CHD2: variants seen among roughly 807,000 people sequenced by gnomAD.
The protein encoded by CHD2 is chromodomain helicase DNA binding protein 2, also known as ATP-dependent chromatin remodeler CHD2.
CHD2 carries 28 observed loss-of-function variants against 243.9 expected under a neutral mutation model. The observed-to-expected ratio is 0.11, with a 90% CI of 0.09 to 0.16. CHD2 has a LOEUF of 0.16. Among genes scored for constraint, CHD2 ranks in the 10% least tolerant of loss-of-function variants. CHD2 has a pLI of 1.00. For synonymous variants in CHD2, 775 were observed against 779.0 expected (o/e 0.99, Z 0.09); for missense variants, 1,386 against 2,209.8 (o/e 0.63, Z 7.47).
At chr15:93,014,195 AT>A (rs1406975061) in intron 36 of CHD2, among the ~76,000 whole-genome samples, 1 of 151,846 alleles carries the variant, frequency 6.6e-6, no homozygotes, top group Non-Finnish European at 1.5e-5. Context: ...GGGTCACTTT[AT>A]TTTTTTTATT....
chr15:92,981,109 C>CT (rs1366899387), intron 23 of CHD2, among the ~76,000 whole-genome samples, 198 bp downstream of exon 23: 2 of 152,092 alleles, frequency 1.3e-5, no homozygotes, highest in African/African-American at 2.4e-5. Context: ...TTCGAGTATA[C>CT]TTTTTTGGGT....
At chr15:92,942,215 A>G (rs1056128178) in intron 8 of CHD2, among the ~76,000 whole-genome samples, 4 of 152,260 alleles carry the variant, frequency 2.6e-5, no homozygotes, top group Non-Finnish European at 4.4e-5. Flanking sequence ...GCTAATTAAC[A>G]TTAAGCAAAT....
intron 10 of CHD2, chr15:92,945,395 C>T (rs8031425): frequency 0.99 from 121,849 of 123,008 alleles, 60,363 homozygotes; most frequent in Admixed American, 1. Flanking sequence ...TCTTCTTCTT[C>T]TTTTTTTTTT....
chr15:92,973,592 T>C (rs1455284222), intron 19 of CHD2, among the ~76,000 whole-genome samples: 3 of 152,200 alleles, frequency 2.0e-5, no homozygotes, highest in Non-Finnish European at 4.4e-5. Flanking sequence ...ATCCATAATA[T>C]CTTATATGGT....
At chr15:92,905,080 C>T (rs760036884) in intron 2 of CHD2, 14 of 1,307,304 alleles carry the variant, frequency 1.1e-5, no homozygotes, top group South Asian at 5.4e-5. Context: ...GAAAATTTCA[C>T]GTTCAATAAC....
At chr15:92,960,252 T>A (rs979410236) in intron 16 of CHD2, among the ~76,000 whole-genome samples, 1 of 152,198 alleles carries the variant, frequency 6.6e-6, no homozygotes, top group Admixed American at 6.5e-5. Flanking sequence ...TGTTCTGTAT[T>A]TCTTAGTATT....
chr15:92,979,097 T>A, intron 21 of CHD2, 38 bp from the exon 22 acceptor site: 1 of 1,596,804 alleles, frequency 6.3e-7, no homozygotes, highest in Non-Finnish European at 8.5e-7. Context: ...GGTTGGGGGG[T>A]GGTTCAGGCA....
Position 93,000,653 on chromosome 15 carries a change from G to A in CHD2, c.4137+13G>A. On this transcript the variant is annotated intron_variant, in intron 32 of 38. Transcript: ENST00000394196. ...GGGAGAAGTGAAAGTATGAAGTGGGGTTTCGGTTGAGGGTTATTTATTTAT... is the reference window on the plus strand; with the variant it reads ...GGGAGAAGTGAAAGTATGAAGTGGGATTTCGGTTGAGGGTTATTTATTTAT... The A allele has an allele frequency of 1.2e-6, 2 of 1,604,942 alleles. No individual in the cohort carries two copies. The highest frequency in any genetic ancestry group is 4.5e-5 in the East Asian group (2 of 44,762).
intron 31 of CHD2, among the ~76,000 whole-genome samples, chr15:92,999,133 G>A (rs1388111801): frequency 2.0e-5 from 3 of 147,656 alleles, no homozygotes; most frequent in Non-Finnish European, 4.5e-5. Context: ...TTAAGACCAC[G>A]GCATCTTGGC....
intron 16 of CHD2, among the ~76,000 whole-genome samples, chr15:92,963,521 A>G (rs2053716499): frequency 6.6e-6 from 1 of 152,240 alleles, no homozygotes; most frequent in African/African-American, 2.4e-5. Context: ...TTAAGGACAT[A>G]TAGAAAAGAG....
In CHD2 at chr15:92,997,555, G is replaced by A. The variant is rs971749718; in HGVS notation, c.3885+152G>A. 1 of 677,574 alleles carries A rather than the reference G, an allele frequency of 1.5e-6. No individual in the cohort carries two copies. Among genetic ancestry groups the A allele is most frequent in the Non-Finnish European group, 2.2e-6 (1 of 450,428 alleles). 42.0% of individuals were successfully genotyped at this position (677,574 alleles called of 1,614,324 possible). The stretch of plus-strand genomic sequence containing the variant: ...ATACTTCCATCTTTAGCAGATTGTG[G>A]CACTGTTTCACGGATGAAGATAAAG... On this transcript the variant is annotated intron_variant, in intron 30 of 38. Coordinates refer to ENST00000394196, the MANE Select transcript of CHD2 (RefSeq NM_001271.4). This position sits in a 1 kb window ranked among gnomAD's most constrained non-coding sequence, Gnocchi z 4.1.
intron 16 of CHD2, among the ~76,000 whole-genome samples, chr15:92,959,480 C>T (rs904671085): frequency 4.0e-5 from 6 of 151,878 alleles, no homozygotes; most frequent in African/African-American, 1.2e-4. Flanking sequence ...ATGTAGCTTT[C>T]GACTGTTTTT....
At chr15:92,962,088 G>T (rs894059171) in intron 16 of CHD2, among the ~76,000 whole-genome samples, 2 of 151,708 alleles carry the variant, frequency 1.3e-5, no homozygotes, top group Admixed American at 1.3e-4. Flanking sequence ...CACCAAGTTG[G>T]CCAGGCTGGT....
In CHD2 at chr15:92,946,116, G is replaced by T; in HGVS notation, c.1277G>T (p.Ser426Ile). The T allele has an allele frequency of 6.2e-7, 1 of 1,613,304 alleles. No individual in the cohort carries two copies. The highest frequency in any genetic ancestry group is 8.5e-7 in the Non-Finnish European group (1 of 1,179,464). The stretch of plus-strand genomic sequence containing the variant: ...ATGGGACTCCCCTATTCAGAGTGTA[G>T]CTGGGAAGATGAAGCCCTCATTGGA... ...KWMGLPYSEC[S>I]WEDEALIGKK... is the part of the protein sequence containing the mutation. Residue 426 changes from serine (S) to isoleucine (I), a missense_variant, in exon 12 of 39, where the codon AGC (serine) becomes ATC (isoleucine). Around this residue, in one of 19 missense-constraint regions of CHD2, gnomAD observed 200 missense variants for 292.5 expected, o/e 0.68. Transcript: ENST00000394196.
chr15:92,986,655 G>C (rs2054047086), intron 26 of CHD2, among the ~76,000 whole-genome samples: 1 of 152,114 alleles, frequency 6.6e-6, no homozygotes. Context: ...CTATGGGGCA[G>C]TATGTTCTAT....
At position 92,939,728 on chromosome 15, in the gene CHD2, A is replaced by G. The variant is rs370469675; in HGVS notation, c.692+10A>G. The G allele has an allele frequency of 2.5e-6, 4 of 1,611,374 alleles. No individual in the cohort carries two copies. The highest frequency in any genetic ancestry group is 1.1e-5 in the South Asian group (1 of 90,874). On this transcript the variant is annotated intron_variant, in intron 7 of 38. Transcript: ENST00000394196. ...CGGCTAAAAACGTTAGGTAAGTTGTACCCCAGAAGTGTTTCACTGGTGTGA... is the reference window on the plus strand; with the variant it reads ...CGGCTAAAAACGTTAGGTAAGTTGTGCCCCAGAAGTGTTTCACTGGTGTGA...
chr15:92,972,250 C>G lies in CHD2; in HGVS notation c.2353-15C>G. Reference sequence around the variant, plus strand: ...TGTTTCAACATAATTATTGGAATGTCTTTTAAATCTTCAGTCCCTCATAAG... The same window carrying G: ...TGTTTCAACATAATTATTGGAATGTGTTTTAAATCTTCAGTCCCTCATAAG... On this transcript the variant is annotated splice_polypyrimidine_tract_variant and intron_variant, in intron 18 of 38. Transcript: ENST00000394196. 1 of 1,601,364 alleles carries G rather than the reference C, an allele frequency of 6.2e-7. No individual in the cohort carries two copies. The highest frequency in any genetic ancestry group is 8.5e-7 in the Non-Finnish European group (1 of 1,175,448).
intron 7 of CHD2, 85 bp downstream of exon 7, chr15:92,939,803 G>A (rs755969880): frequency 7.3e-6 from 10 of 1,361,392 alleles, no homozygotes; most frequent in Middle Eastern, 3.7e-4. Context: ...CCGGGGTTGT[G>A]CACTTAATAG....
intron 2 of CHD2, chr15:92,904,550 G>T (rs2052583844): frequency 9.9e-7 from 1 of 1,005,292 alleles, no homozygotes; most frequent in Non-Finnish European, 1.2e-6. Flanking sequence ...TCCTGGACGC[G>T]TTTGCTCCTG....
Sources: gnomAD v4.1 joint callset for allele counts (sites outside exome capture counted in the v4.1 genomes callset) on GRCh38, gnomAD v4.1.1 for gene constraint, gnomAD v4.1.1 regional missense constraint, Gnocchi (gnomAD v3.1) non-coding constraint, MANE v1.5 for transcripts, NCBI Gene and HGNC (gene_info 2026-07-23, HGNC 2026-07-21) for gene names.